The following FGF13 variants were observed in gnomAD, a reference collection of about 807,000 sequenced individuals.
FGF13 encodes fibroblast growth factor 13.
FGF13 carries 2 observed loss-of-function variants against 19.5 expected under a neutral mutation model. The observed-to-expected ratio is 0.10, with a 90% CI of 0.04 to 0.32. The LOEUF (loss-of-function observed/expected upper bound fraction) is 0.32, where lower values mean the gene tolerates loss of function less well. Among genes scored for constraint, FGF13 ranks in the 10% least tolerant of loss-of-function variants. The probability of loss-of-function intolerance (pLI) is 1.00; values close to 1 mark genes in which losing one functional copy is unlikely to be tolerated. For missense variants in FGF13, 113 were observed against 192.7 expected (o/e 0.59, Z 2.45); for synonymous variants, 72 against 76.9 (o/e 0.94, Z 0.33).
chrX:138,706,475 A>G (rs2089993291), intron 2 of FGF13, among the ~76,000 whole-genome samples: 1 of 112,191 alleles, frequency 8.9e-6, no homozygotes, highest in Non-Finnish European at 1.9e-5. Flanking sequence ...ATTGCTTACT[A>G]TGTCTGAATA....
chrX:138,766,412 T>C (rs2090502657), intron 3 of FGF13, among the ~76,000 whole-genome samples: 1 of 112,123 alleles, frequency 8.9e-6, no homozygotes, highest in African/African-American at 3.2e-5. Flanking sequence ...GTTCCACTAA[T>C]GACAAAATGC....
intron 1 of FGF13, among the ~76,000 whole-genome samples, chrX:138,952,081 A>C (rs1180115630): frequency 9.0e-6 from 1 of 111,590 alleles, no homozygotes; most frequent in Non-Finnish European, 1.9e-5. Flanking sequence ...AAACTACTTT[A>C]AAGTCCATAT....
chrX:139,138,050 C>T (rs1306707373), intron 1 of FGF13, among the ~76,000 whole-genome samples: 1 of 112,390 alleles, frequency 8.9e-6, no homozygotes, highest in Non-Finnish European at 1.9e-5. Flanking sequence ...AAAGGACCCA[C>T]TGGAATCATC....
intron 1 of FGF13, among the ~76,000 whole-genome samples, chrX:138,933,865 A>G (rs1238187068): frequency 8.9e-6 from 1 of 111,888 alleles, no homozygotes; most frequent in African/African-American, 3.2e-5. Flanking sequence ...TACTGAGGGC[A>G]TTGACCATGT....
At chrX:138,919,031 C>T (rs189582847) in intron 1 of FGF13, among the ~76,000 whole-genome samples, 31 of 111,198 alleles carry the variant, frequency 2.8e-4, no homozygotes, top group Non-Finnish European at 4.9e-4. Flanking sequence ...TGTTTGGTCC[C>T]TAGGGGCTTA....
chrX:138,664,390 T>C (rs1031797019), intron 3 of FGF13, among the ~76,000 whole-genome samples: 2 of 111,657 alleles, frequency 1.8e-5, no homozygotes, highest in Non-Finnish European at 3.8e-5. Flanking sequence ...GGAAATGTTA[T>C]ATTCAATACA....
At position 138,710,944 on chromosome X, in the gene FGF13, C is replaced by T; in HGVS notation, c.60G>A (p.Glu20=). Residue 20 remains glutamate, a synonymous_variant, in exon 1 of 5, where the codon GAG becomes GAA. Transcript: ENST00000315930. ...TGACACACTTGCAGGCGTTGGATTT[C>T]TCGCGCTCGCGGGCTTGCCTCTTCT... ...IRQKRQARER[E]KSNACKCVSS... The T allele has an allele frequency of 8.3e-7, 1 of 1,212,036 alleles. No homozygotes were observed. The highest frequency in any genetic ancestry group is 1.7e-5 in the African/African-American group (1 of 57,964).
intron 2 of FGF13, among the ~76,000 whole-genome samples, chrX:138,862,519 CAGAA>C (rs1309741957): frequency 9.0e-6 from 1 of 110,860 alleles, no homozygotes; most frequent in Admixed American, 9.6e-5. Flanking sequence ...CTTACCTAAT[CAGAA>C]AGAGAGAAAA....
chrX:138,822,951 A>G (rs2091008895), intron 3 of FGF13, among the ~76,000 whole-genome samples: 1 of 111,819 alleles, frequency 8.9e-6, no homozygotes, highest in Admixed American at 9.5e-5. Flanking sequence ...ACATATAGAG[A>G]CTGTGGGATA....
At chrX:138,830,687 TTGTGTGTGTGTGTG>T (rs144759178) in intron 3 of FGF13, among the ~76,000 whole-genome samples, 5 of 87,519 alleles carry the variant, frequency 5.7e-5, no homozygotes, top group African/African-American at 8.4e-5. Context: ...AAAGGGGTGT[TTGTGTGTGTGTGTG>T]TGTGTGTGTG....
intron 1 of FGF13, among the ~76,000 whole-genome samples, chrX:138,734,265 G>A (rs1442800167): frequency 5.4e-5 from 6 of 111,690 alleles, no homozygotes; most frequent in Non-Finnish European, 9.4e-5. Context: ...GTAAATTTGA[G>A]TCATTTTGTC....
intron 1 of FGF13, among the ~76,000 whole-genome samples, chrX:139,046,221 C>G (rs1168849248): frequency 1.8e-5 from 2 of 110,921 alleles, no homozygotes; most frequent in African/African-American, 6.6e-5. Context: ...CAGGAGCAAG[C>G]AAGAGAGTGG....
At chrX:138,963,019 G>T (rs1423553195) in intron 1 of FGF13, among the ~76,000 whole-genome samples, 2 of 111,207 alleles carry the variant, frequency 1.8e-5, no homozygotes, top group Admixed American at 9.5e-5. Flanking sequence ...AAAAAAAAAA[G>T]TGCAGCCATC....
chrX:138,739,284 T>C, exon 1 of FGF13: 2 of 1,198,521 alleles, frequency 1.7e-6, no homozygotes. Context: ...CTTTATAAGC[T>C]GGTCCTACCC....
chrX:139,192,756 C>T (rs2084341683), intron 1 of FGF13, among the ~76,000 whole-genome samples: 1 of 111,530 alleles, frequency 9.0e-6, no homozygotes, highest in African/African-American at 3.3e-5. Flanking sequence ...GATAAGCAAC[C>T]CATGTATGAC....
chrX:138,721,151 G>A (rs1031635765), intron 1 of FGF13, among the ~76,000 whole-genome samples: 5 of 111,643 alleles, frequency 4.5e-5, no homozygotes, highest in Non-Finnish European at 5.7e-5. Flanking sequence ...TGTATGTCAT[G>A]GTAAGTCAGC....
chrX:139,006,392 G>T (rs937270301), intron 1 of FGF13, among the ~76,000 whole-genome samples: 1 of 111,372 alleles, frequency 9.0e-6, no homozygotes, highest in East Asian at 2.8e-4. Context: ...AAAGCTGTGG[G>T]TTTTCATCAA....
Position 138,908,701 on chromosome X carries a change from C to T in FGF13, c.-112-44051G>A, listed in dbSNP as rs186807707. Among the ~76,000 whole-genome samples, 10 of 111,811 alleles carry T rather than the reference C, an allele frequency of 8.9e-5. No homozygotes were observed. In the East Asian group the frequency reaches 1.7e-3, roughly 19 times the overall value. ...CCATTACCAGAGTTGCCATGTGCTG[C>T]GGGCGCTAATCCTTTCAGCAGGGTT... On this transcript the variant is annotated intron_variant, in intron 1 of 2. Transcript: ENST00000421460.
chrX:138,654,025 G>A (rs990413936), intron 3 of FGF13, among the ~76,000 whole-genome samples: 1 of 111,987 alleles, frequency 8.9e-6, no homozygotes, highest in African/African-American at 3.3e-5. Flanking sequence ...TTTGCATACT[G>A]GTTGAGTTTT....
Sources: gnomAD v4.1 joint callset for allele counts (sites outside exome capture counted in the v4.1 genomes callset) on GRCh38, gnomAD v4.1.1 for gene constraint, MANE v1.5 for transcripts, NCBI Gene and HGNC (gene_info 2026-07-23, HGNC 2026-07-21) for gene names.